ARHGAP5: variants seen among roughly 807,000 people sequenced by gnomAD.
ARHGAP5 encodes Rho GTPase activating protein 5.
In ARHGAP5, 23 loss-of-function variants were observed where a neutral mutation model predicts 116.6. The observed-to-expected ratio is 0.20, with a 90% CI of 0.14 to 0.28. ARHGAP5 has a LOEUF of 0.28. Ranked by LOEUF, ARHGAP5 falls within the 10% of genes least tolerant of loss-of-function variation. The pLI, the probability that ARHGAP5 is intolerant of heterozygous loss-of-function variation, is 1.00. For missense variants in ARHGAP5, 1,405 were observed against 1,774.8 expected, an observed-to-expected ratio of 0.79 and a Z score of 3.74; for synonymous variants, 574 against 602.0, an observed-to-expected ratio of 0.95 and a Z score of 0.68.
chr14:32,135,474 G>A (rs768238498), intron 3 of ARHGAP5, among the ~76,000 whole-genome samples: 24 of 152,208 alleles, frequency 1.6e-4, no homozygotes, highest in Non-Finnish European at 2.1e-4. Flanking sequence ...CCAGGCAAGA[G>A]CACAGTGGCG....
chr14:32,096,858 T>C (rs538626416), intron 2 of ARHGAP5, among the ~76,000 whole-genome samples: 1 of 152,334 alleles, frequency 6.6e-6, no homozygotes, highest in African/African-American at 2.4e-5. Context: ...AGGAAAATTA[T>C]AGTTCCATTT....
chr14:32,112,739 G>A (rs940685198), intron 2 of ARHGAP5, among the ~76,000 whole-genome samples: 4 of 152,120 alleles, frequency 2.6e-5, no homozygotes, highest in African/African-American at 9.7e-5. Flanking sequence ...GGGCATGGTG[G>A]CAGGGCTTGT....
At chr14:32,100,200 A>G (rs1249701156) in intron 2 of ARHGAP5, among the ~76,000 whole-genome samples, 1 of 152,218 alleles carries the variant, frequency 6.6e-6, no homozygotes, top group Non-Finnish European at 1.5e-5. Flanking sequence ...TACAATAACA[A>G]AAATGGATAT....
chr14:32,145,956 T>G (rs182320156), intron 3 of ARHGAP5, among the ~76,000 whole-genome samples: 1,765 of 150,334 alleles, frequency 0.012, 11 homozygotes, highest in Non-Finnish European at 0.017. Flanking sequence ...TTGGTTGGGG[T>G]TTTTTTTTGG....
intron 3 of ARHGAP5, among the ~76,000 whole-genome samples, chr14:32,121,367 C>T (rs1879880622): frequency 2.0e-5 from 3 of 152,072 alleles, no homozygotes; most frequent in Admixed American, 2.0e-4. Context: ...TATGTATCTT[C>T]ATTTCTAATG....
chr14:32,080,107 A>G (rs1217215149), intron 1 of ARHGAP5, among the ~76,000 whole-genome samples: 3 of 152,052 alleles, frequency 2.0e-5, no homozygotes, highest in Non-Finnish European at 2.9e-5. Flanking sequence ...GAAAAACCAT[A>G]TTAGAAATTA....
chr14:32,153,378 G>A, intron 6 of ARHGAP5, among the ~76,000 whole-genome samples: 1 of 97,234 alleles, frequency 1.0e-5, no homozygotes. Context: ...TTGCACTTCA[G>A]TCTGGCCAAC....
At position 32,143,812 on chromosome 14, in the gene ARHGAP5, C is replaced by T. The variant is rs940274205; in HGVS notation, c.3866-2451C>T. On this transcript the variant is annotated intron_variant, in intron 3 of 6. Transcript: ENST00000345122. The stretch of plus-strand genomic sequence containing the variant: ...TTAACAAATAATAATAAATGTTTAT[C>T]ACTGTGGAAGGGGTTTCCCAACCTT... Among the ~76,000 whole-genome samples the T allele has an allele frequency of 1.3e-5, 2 of 152,120 alleles. 1 individual carries two copies. The highest frequency in any genetic ancestry group is 1.3e-4 in the Admixed American group (2 of 15,264).
chr14:32,131,407 A>G (rs1427268972), intron 3 of ARHGAP5, among the ~76,000 whole-genome samples: 1 of 152,114 alleles, frequency 6.6e-6, no homozygotes, highest in Non-Finnish European at 1.5e-5. Context: ...TGAAATATAC[A>G]TTTCAGTAGT....
At chr14:32,131,566 T>G (rs927012220) in intron 3 of ARHGAP5, among the ~76,000 whole-genome samples, 2 of 152,052 alleles carry the variant, frequency 1.3e-5, no homozygotes, top group African/African-American at 4.8e-5. Flanking sequence ...TGTTTGTTTG[T>G]TTTTGTTTTT....
At chr14:32,086,664 TTTA>T (rs1386228176) in intron 1 of ARHGAP5, among the ~76,000 whole-genome samples, 1 of 151,980 alleles carries the variant, frequency 6.6e-6, no homozygotes, top group Non-Finnish European at 1.5e-5. Context: ...TTAGTTCTGA[TTTA>T]TTGAGATTTT....
intron 2 of ARHGAP5, among the ~76,000 whole-genome samples, chr14:32,106,521 C>T (rs538801163): frequency 2.6e-5 from 4 of 152,252 alleles, no homozygotes; most frequent in East Asian, 3.9e-4. Context: ...ATTAGGTTTC[C>T]GTGTTCCATT....
At chr14:32,136,801 A>G (rs1419410038) in intron 3 of ARHGAP5, among the ~76,000 whole-genome samples, 2 of 152,140 alleles carry the variant, frequency 1.3e-5, no homozygotes, top group East Asian at 3.8e-4. Context: ...ATATGAAGTA[A>G]TACCTCATTG....
chr14:32,142,339 A>G (rs955201331), intron 3 of ARHGAP5, among the ~76,000 whole-genome samples: 2 of 152,148 alleles, frequency 1.3e-5, no homozygotes, highest in Non-Finnish European at 2.9e-5. Context: ...AAGACATTTA[A>G]AAGATTATAA....
intron 5 of ARHGAP5, among the ~76,000 whole-genome samples, chr14:32,150,681 G>A (rs1024398379): frequency 6.6e-6 from 1 of 152,192 alleles, no homozygotes; most frequent in African/African-American, 2.4e-5. Context: ...AAACCCTCAT[G>A]ATATAGTCAC....
At chr14:32,110,344 A>G (rs1879229754) in intron 2 of ARHGAP5, among the ~76,000 whole-genome samples, 1 of 150,820 alleles carries the variant, frequency 6.6e-6, no homozygotes, top group Non-Finnish European at 1.5e-5. Context: ...TTTTTTTAAG[A>G]GATGGGATCT....
chr14:32,151,062 C>CT (rs977437133), intron 5 of ARHGAP5, among the ~76,000 whole-genome samples: 6 of 151,924 alleles, frequency 3.9e-5, no homozygotes, highest in Admixed American at 2.0e-4. Context: ...CTCAGTGATT[C>CT]TTTTTTTTAA....
rs117960008 is a variant in ARHGAP5 at position 32,139,736 on chromosome 14, G to C, written c.3866-6527G>C. On this transcript the variant is annotated intron_variant, in intron 3 of 6. Transcript: ENST00000345122. ...TAATTTTTATTATTTCTTTCATTCT[G>C]CTAGCTTTAGGTTTAGCTTTGTCTT... is the stretch of plus-strand genomic sequence containing the variant. 1.0e-3 allele frequency among the ~76,000 whole-genome samples: 157 copies of C among 149,956 alleles called. 2 individuals are homozygous for C. The East Asian group carries it at 0.027, about 26-fold the overall frequency.
At chr14:32,118,724 A>C (rs1431296993) in intron 3 of ARHGAP5, among the ~76,000 whole-genome samples, 1 of 152,198 alleles carries the variant, frequency 6.6e-6, no homozygotes, top group Non-Finnish European at 1.5e-5. Flanking sequence ...TGTTCTTAAA[A>C]TATTAGCTTC....
Sources: allele counts gnomAD v4.1 joint callset (sites outside exome capture counted in the v4.1 genomes callset), GRCh38; gene constraint gnomAD v4.1.1; transcripts MANE v1.5; gene names NCBI Gene and HGNC (gene_info 2026-07-23, HGNC 2026-07-21).